The following CDYL variants were observed in gnomAD, a reference collection of about 807,000 sequenced individuals.
CDYL encodes the protein chromodomain Y like, also known as chromodomain Y-like protein.
CDYL carries 8 observed loss-of-function variants against 47.3 expected under a neutral mutation model. That is an observed-to-expected ratio of 0.17 (90% CI 0.10 to 0.31). The LOEUF (loss-of-function observed/expected upper bound fraction) is 0.31, where lower values mean the gene tolerates loss of function less well. CDYL is among the 10% of genes least tolerant of loss of function. CDYL has a pLI of 1.00. For missense variants in CDYL, 471 were observed against 701.4 expected (o/e 0.67, Z 3.71); for synonymous variants, 266 against 265.0 (o/e 1.00, Z -0.04).
intron 1 of CDYL, among the ~76,000 whole-genome samples, chr6:4,787,107 C>T (rs761459367): frequency 6.6e-6 from 1 of 152,208 alleles, no homozygotes; most frequent in Non-Finnish European, 1.5e-5. Flanking sequence ...TAGAGTGTAG[C>T]CAACTCTCCC....
At chr6:4,768,409 G>A (rs539858522) in intron 3 of CDYL, among the ~76,000 whole-genome samples, 2 of 152,234 alleles carry the variant, frequency 1.3e-5, no homozygotes, top group East Asian at 1.9e-4. Flanking sequence ...CAGAAAGTAA[G>A]GAAGTGATCA....
At position 4,779,392 on chromosome 6, in the gene CDYL, C is replaced by T. The variant is rs552115653; in HGVS notation, c.24+2585C>T. Reference sequence around the variant, plus strand: ...CACATGGTCTGGTAGGAGGACAGGTCTGCAGTAACTGGGAACTTGGGTGAG... The same window carrying T: ...CACATGGTCTGGTAGGAGGACAGGTTTGCAGTAACTGGGAACTTGGGTGAG... On this transcript the variant is annotated intron_variant, in intron 1 of 6. Transcript: ENST00000397588. Among the ~76,000 whole-genome samples the T allele has an allele frequency of 3.3e-5, 5 of 150,480 alleles. No homozygotes were observed. The East Asian group carries it at 9.7e-4, about 29-fold the overall frequency.
chr6:4,939,201 C>G (rs1012237016), intron 4 of CDYL, among the ~76,000 whole-genome samples: 51 of 152,342 alleles, frequency 3.3e-4, no homozygotes, highest in African/African-American at 1.2e-3. Flanking sequence ...TAGGCTCCAG[C>G]TGAGCACTGC....
At chr6:4,929,901 G>C (rs181400545) in intron 2 of CDYL, among the ~76,000 whole-genome samples, 2 of 151,908 alleles carry the variant, frequency 1.3e-5, no homozygotes, top group African/African-American at 4.8e-5. Flanking sequence ...GTTGGTTGAT[G>C]AACATTGTGA....
chr6:4,726,521 G>A (rs961158699), intron 2 of CDYL, among the ~76,000 whole-genome samples: 2 of 136,452 alleles, frequency 1.5e-5, no homozygotes, highest in African/African-American at 5.7e-5. Context: ...GACAGGGCGA[G>A]ACTCTGTCTC....
chr6:4,792,443 T>G (rs1208649083), intron 1 of CDYL, among the ~76,000 whole-genome samples: 2 of 151,522 alleles, frequency 1.3e-5, no homozygotes, highest in East Asian at 3.9e-4. Flanking sequence ...ATTTTTTTTT[T>G]TTTTTTGAGA....
chr6:4,926,259 G>T (rs1043894373), intron 2 of CDYL, among the ~76,000 whole-genome samples: 1 of 152,174 alleles, frequency 6.6e-6, no homozygotes, highest in African/African-American at 2.4e-5. Context: ...TGCAGATTAT[G>T]TAATCTGAAT....
intron 3 of CDYL, among the ~76,000 whole-genome samples, chr6:4,740,415 T>C (rs1432628800): frequency 6.6e-6 from 1 of 152,102 alleles, no homozygotes; most frequent in African/African-American, 2.4e-5. Context: ...ATGGAGAGTG[T>C]CGAGGCCAGG....
intron 3 of CDYL, among the ~76,000 whole-genome samples, chr6:4,764,414 T>C (rs1489327213): frequency 6.6e-6 from 1 of 152,066 alleles, no homozygotes; most frequent in Admixed American, 6.6e-5. Flanking sequence ...CTCAGCCTCC[T>C]GAGTAGCTGG....
intron 1 of CDYL, among the ~76,000 whole-genome samples, chr6:4,866,247 A>C (rs1378891784): frequency 6.6e-6 from 1 of 152,214 alleles, no homozygotes; most frequent in African/African-American, 2.4e-5. Flanking sequence ...AAAGGAAAAG[A>C]GATGTTTTTC....
chr6:4,724,043 C>G (rs1046906308), intron 2 of CDYL, among the ~76,000 whole-genome samples: 4 of 152,002 alleles, frequency 2.6e-5, no homozygotes, highest in African/African-American at 9.7e-5. Context: ...TGTCCCCTCA[C>G]TTTTTGTGCG....
At chr6:4,816,023 T>A (rs192076205) in intron 1 of CDYL, among the ~76,000 whole-genome samples, 1 of 151,922 alleles carries the variant, frequency 6.6e-6, no homozygotes, top group East Asian at 1.9e-4. Context: ...TGTTTATGTT[T>A]GGGAACATAG....
rs138773032 is a variant in CDYL at position 4,921,748 on chromosome 6, C to T, written c.692-13767C>T. ...CCCCTGAGTATGTAGTGTATTTGGC[C>T]ACCTCCGTTTCTTTGCTAATGGCAT... is the stretch of plus-strand genomic sequence containing the variant. On this transcript the variant is annotated intron_variant, in intron 2 of 6. Transcript: ENST00000397588. 1.3e-3 allele frequency among the ~76,000 whole-genome samples: 204 copies of T among 152,236 alleles called. 1 individual carries two copies. Among genetic ancestry groups the T allele is most frequent in the Admixed American group, 4.7e-3 (72 of 15,308 alleles).
intron 1 of CDYL, among the ~76,000 whole-genome samples, chr6:4,781,882 AG>A (rs1181930047): frequency 6.6e-6 from 1 of 152,226 alleles, no homozygotes; most frequent in Non-Finnish European, 1.5e-5. Flanking sequence ...GAACAGGACC[AG>A]CCTGGGGTCT....
intron 3 of CDYL, among the ~76,000 whole-genome samples, chr6:4,750,312 C>T (rs1757967997): frequency 1.3e-5 from 2 of 152,238 alleles, no homozygotes; most frequent in East Asian, 3.9e-4. Context: ...AAGAGATTCT[C>T]CTGCCTCAGC....
Position 4,937,690 on chromosome 6 carries a change from G to A in CDYL, c.1074G>A (p.Leu358=). Residue 358 remains leucine, a synonymous_variant, in exon 4 of 7, where the codon CTG becomes CTA. Transcript: ENST00000397588. ...GLDFIYFIRR[L]TDDRKRESTK... is the part of the protein sequence containing the mutation. ...ACTTTATTTATTTTATACGACGTCT[G>A]ACAGATGACAGGAAAAGAGAAAGCA... The A allele has an allele frequency of 6.2e-7, 1 of 1,613,426 alleles. No homozygotes were observed. Among genetic ancestry groups the A allele is most frequent in the Non-Finnish European group, 8.5e-7 (1 of 1,179,806 alleles).
chr6:4,763,387 AT>A (rs1388439527), intron 3 of CDYL, among the ~76,000 whole-genome samples: 2 of 152,200 alleles, frequency 1.3e-5, no homozygotes, highest in Non-Finnish European at 2.9e-5. Flanking sequence ...AATTATAATA[AT>A]TTTTAGCAAT....
intron 2 of CDYL, among the ~76,000 whole-genome samples, chr6:4,922,062 A>T (rs550923611): frequency 1.6e-3 from 241 of 152,226 alleles, no homozygotes; most frequent in African/African-American, 5.6e-3. Context: ...GTGCAGCCTC[A>T]TGGGCCTGAA....
intron 3 of CDYL, among the ~76,000 whole-genome samples, chr6:4,766,510 C>A (rs1758254245): frequency 6.6e-6 from 1 of 151,994 alleles, no homozygotes. Flanking sequence ...GGCGCCCGGC[C>A]CTGAATATTT....
Sources: allele counts gnomAD v4.1 joint callset (sites outside exome capture counted in the v4.1 genomes callset), GRCh38; gene constraint gnomAD v4.1.1; transcripts MANE v1.5; gene names NCBI Gene and HGNC (gene_info 2026-07-23, HGNC 2026-07-21).